DLG2: variants seen among roughly 807,000 people sequenced by gnomAD.
The protein encoded by DLG2 is discs large MAGUK scaffold protein 2.
DLG2 carries 45 observed loss-of-function variants against 132.5 expected under a neutral mutation model. The ratio of observed to expected loss-of-function variants is 0.34; its 90% CI spans 0.27 to 0.44. The LOEUF (loss-of-function observed/expected upper bound fraction) is 0.44, where lower values mean the gene tolerates loss of function less well. Ranked by LOEUF, DLG2 falls within the 20% of genes least tolerant of loss-of-function variation. DLG2 has a pLI of 1.00. For missense variants in DLG2, 1,045 were observed against 1,196.9 expected, an observed-to-expected ratio of 0.87 and a Z score of 1.87; for synonymous variants, 424 against 419.6, an observed-to-expected ratio of 1.01 and a Z score of -0.13.
chr11:84,984,034 A>G (rs987244537), intron 6 of DLG2, among the ~76,000 whole-genome samples: 1 of 152,208 alleles, frequency 6.6e-6, no homozygotes, highest in African/African-American at 2.4e-5. Context: ...ACTTAAGAAT[A>G]ATTGGCATTC....
chr11:83,565,750 G>A (rs942067454), intron 19 of DLG2, among the ~76,000 whole-genome samples: 4 of 152,174 alleles, frequency 2.6e-5, no homozygotes, highest in Non-Finnish European at 5.9e-5. Flanking sequence ...GGACATCTTA[G>A]GATACTCTGA....
chr11:85,313,495 C>T (rs375434894), intron 3 of DLG2, among the ~76,000 whole-genome samples: 1 of 152,134 alleles, frequency 6.6e-6, no homozygotes, highest in East Asian at 1.9e-4. Flanking sequence ...ATCTCCACAT[C>T]TCTTCATGGA....
chr11:83,555,062 T>G (rs1169529834), intron 19 of DLG2, among the ~76,000 whole-genome samples: 1 of 152,210 alleles, frequency 6.6e-6, no homozygotes, highest in Non-Finnish European at 1.5e-5. Flanking sequence ...AAATGGAAAC[T>G]ATTCTGGAGG....
intron 3 of DLG2, among the ~76,000 whole-genome samples, chr11:85,563,414 T>G (rs915492325): frequency 3.3e-5 from 5 of 150,458 alleles, no homozygotes; most frequent in Non-Finnish European, 5.9e-5. Context: ...AGTAAATGAG[T>G]GGATTAAAAA....
chr11:84,596,230 G>T (rs1436485899), intron 6 of DLG2, among the ~76,000 whole-genome samples: 2 of 143,016 alleles, frequency 1.4e-5, no homozygotes, highest in African/African-American at 2.6e-5. Context: ...TTCTCTTGAC[G>T]GAGCTTTGCT....
intron 4 of DLG2, among the ~76,000 whole-genome samples, chr11:85,258,684 C>T (rs907182046): frequency 2.0e-5 from 3 of 152,180 alleles, no homozygotes; most frequent in African/African-American, 7.2e-5. Flanking sequence ...CCCAAAAACT[C>T]TTCTACAATA....
At chr11:84,098,715 A>G (rs190057570) in intron 10 of DLG2, among the ~76,000 whole-genome samples, 137 of 152,292 alleles carry the variant, frequency 9.0e-4, no homozygotes, top group East Asian at 7.9e-3. Flanking sequence ...CCAATGTTCA[A>G]TGTGGTACCT....
intron 5 of DLG2, among the ~76,000 whole-genome samples, chr11:85,148,038 A>T (rs2076977708): frequency 6.6e-6 from 1 of 151,932 alleles, no homozygotes; most frequent in African/African-American, 2.4e-5. Context: ...TTTGCTGAGG[A>T]TGATGGTTTC....
At chr11:83,882,928 G>A (rs1376271516) in intron 15 of DLG2, among the ~76,000 whole-genome samples, 4 of 152,100 alleles carry the variant, frequency 2.6e-5, no homozygotes, top group East Asian at 1.9e-4. Flanking sequence ...AGGTGAGATC[G>A]AAGACAGATG....
chr11:83,872,170 G>A (rs941541793), intron 16 of DLG2, among the ~76,000 whole-genome samples: 5 of 152,168 alleles, frequency 3.3e-5, no homozygotes, highest in East Asian at 1.9e-4. Flanking sequence ...GGCTGAGGCC[G>A]GAGAATCGCC....
At chr11:83,644,521 A>G (rs1297860284) in intron 18 of DLG2, among the ~76,000 whole-genome samples, 1 of 152,152 alleles carries the variant, frequency 6.6e-6, no homozygotes, top group Non-Finnish European at 1.5e-5. Context: ...TCTGAAGATT[A>G]CCTTTTACTC....
intron 6 of DLG2, among the ~76,000 whole-genome samples, chr11:84,893,813 G>A (rs547314835): frequency 6.6e-6 from 1 of 152,046 alleles, no homozygotes. Context: ...ATCTTACAAG[G>A]TGATTGTATA....
chr11:85,512,190 C>T (rs777122612), intron 3 of DLG2, among the ~76,000 whole-genome samples: 26 of 152,098 alleles, frequency 1.7e-4, no homozygotes, highest in Middle Eastern at 3.4e-3. Context: ...GTGGAACTAG[C>T]ATGAAGGGAT....
intron 6 of DLG2, among the ~76,000 whole-genome samples, chr11:84,791,569 T>C (rs958578825): frequency 6.6e-6 from 1 of 152,216 alleles, no homozygotes; most frequent in South Asian, 2.1e-4. Context: ...TTCCAATCCA[T>C]GAACATGGAA....
At chr11:85,227,900 C>T (rs1334143845) in intron 4 of DLG2, among the ~76,000 whole-genome samples, 1 of 152,064 alleles carries the variant, frequency 6.6e-6, no homozygotes. Context: ...AGCAGGTACA[C>T]TCCTGATTCG....
rs1016816850 is a variant in DLG2 at position 84,367,927 on chromosome 11, A to G, written c.520-116636T>C. ...TGATACATTTATCACCACTCTAGAA[A>G]GCTTTGATCAGAGCCCGTAATAGAT... On this transcript the variant is annotated intron_variant, in intron 7 of 27. Transcript: ENST00000376104. 7.2e-5 allele frequency among the ~76,000 whole-genome samples: 11 copies of G among 152,286 alleles called. 1 individual carries two copies. The highest frequency in any genetic ancestry group is 4.6e-4 in the Admixed American group (7 of 15,280).
chr11:85,505,084 T>G (rs1413838692), intron 3 of DLG2, among the ~76,000 whole-genome samples: 3 of 152,210 alleles, frequency 2.0e-5, no homozygotes, highest in Non-Finnish European at 2.9e-5. Context: ...TCCTGAGACT[T>G]TGCTGAATTT....
At chr11:84,531,547 AG>A (rs1487859082) in intron 7 of DLG2, among the ~76,000 whole-genome samples, 1 of 152,186 alleles carries the variant, frequency 6.6e-6, no homozygotes, top group African/African-American at 2.4e-5. Flanking sequence ...CAACACCTCG[AG>A]AAGGTCATGA....
intron 6 of DLG2, among the ~76,000 whole-genome samples, chr11:85,062,747 G>C (rs1324928218): frequency 6.6e-6 from 1 of 151,704 alleles, no homozygotes; most frequent in Non-Finnish European, 1.5e-5. Context: ...TGAAGAGGCA[G>C]ATCTGAAACT....
Sources: gnomAD v4.1 joint callset for allele counts (sites outside exome capture counted in the v4.1 genomes callset) on GRCh38, gnomAD v4.1.1 for gene constraint, MANE v1.5 for transcripts, NCBI Gene and HGNC (gene_info 2026-07-23, HGNC 2026-07-21) for gene names.